PDZRN3: variants seen among roughly 807,000 people sequenced by gnomAD.
The protein encoded by PDZRN3 is E3 ubiquitin-protein ligase PDZRN3.
A neutral mutation model predicts 85.7 loss-of-function variants in PDZRN3; 38 were observed. The ratio of observed to expected loss-of-function variants is 0.44; its 90% confidence interval spans 0.34 to 0.58. PDZRN3 has a LOEUF of 0.58. Ranked by LOEUF, PDZRN3 falls within the 20% of genes least tolerant of loss-of-function variation. PDZRN3 has a pLI of 0.01. For synonymous variants in PDZRN3, 759 were observed against 638.0 expected (o/e 1.19, Z -2.86); for missense variants, 1,629 against 1,506.4 (o/e 1.08, Z -1.35).
intron 3 of PDZRN3, among the ~76,000 whole-genome samples, chr3:73,434,205 T>C (rs1702488272): frequency 6.6e-6 from 1 of 152,238 alleles, no homozygotes; most frequent in Admixed American, 6.5e-5. Context: ...CAGTTACAAA[T>C]AAACATGACT....
At chr3:73,565,110 T>A (rs539513227) in intron 3 of PDZRN3, among the ~76,000 whole-genome samples, 81 of 142,064 alleles carry the variant, frequency 5.7e-4, no homozygotes, top group African/African-American at 2.0e-3. Flanking sequence ...AAATACTATA[T>A]CCACCAATTT....
intron 3 of PDZRN3, among the ~76,000 whole-genome samples, chr3:73,420,287 C>T (rs1172360625): frequency 5.3e-5 from 8 of 152,194 alleles, no homozygotes; most frequent in African/African-American, 1.7e-4. Flanking sequence ...GCACTGGCCA[C>T]CCCAAGTGCT....
In PDZRN3 at chr3:73,618,146, A is replaced by G. The variant is rs948696759; in HGVS notation, c.723+5957T>C. On this transcript the variant is annotated intron_variant, in intron 1 of 9. Transcript: ENST00000263666. ...CAGGCAAACTAACATGAGCCAGTGG[A>G]GGACACTTGGCAAGTTATTTAACTT... Among the ~76,000 whole-genome samples, 9 of 152,346 alleles carry G rather than the reference A, an allele frequency of 5.9e-5. No homozygotes were observed. In the South Asian group the frequency reaches 1.9e-3, roughly 32 times the overall value.
At chr3:73,478,981 C>T (rs1255703714) in intron 3 of PDZRN3, among the ~76,000 whole-genome samples, 1 of 152,180 alleles carries the variant, frequency 6.6e-6, no homozygotes, top group Non-Finnish European at 1.5e-5. Flanking sequence ...TGTGTAATGG[C>T]AAAAGTCGCA....
intron 3 of PDZRN3, among the ~76,000 whole-genome samples, chr3:73,453,309 G>C (rs934758592): frequency 6.7e-6 from 1 of 149,892 alleles, no homozygotes; most frequent in Non-Finnish European, 1.5e-5. Context: ...GGGAGGCTGA[G>C]GCAGAAGAAT....
chr3:73,453,599 G>A (rs572213973), intron 3 of PDZRN3, among the ~76,000 whole-genome samples: 45 of 151,206 alleles, frequency 3.0e-4, no homozygotes, highest in Non-Finnish European at 6.2e-4. Context: ...CATGCTTTAA[G>A]TATATATACA....
At chr3:73,463,399 C>T (rs546059408) in intron 3 of PDZRN3, among the ~76,000 whole-genome samples, 31 of 152,336 alleles carry the variant, frequency 2.0e-4, no homozygotes, top group African/African-American at 7.2e-4. Context: ...CAGTCACATG[C>T]TACTACTTAT....
intron 3 of PDZRN3, among the ~76,000 whole-genome samples, chr3:73,520,626 G>A (rs1391316899): frequency 6.6e-6 from 1 of 152,202 alleles, no homozygotes. Flanking sequence ...AATTAGCAGA[G>A]GGGCGGGAAA....
chr3:73,495,210 C>T (rs1703845052), intron 3 of PDZRN3, among the ~76,000 whole-genome samples: 1 of 152,140 alleles, frequency 6.6e-6, no homozygotes, highest in Non-Finnish European at 1.5e-5. Flanking sequence ...TATTGAAAAG[C>T]TTCTTTCGAT....
intron 3 of PDZRN3, among the ~76,000 whole-genome samples, chr3:73,462,277 G>C (rs1197869111): frequency 6.6e-6 from 1 of 151,808 alleles, no homozygotes; most frequent in Admixed American, 6.5e-5. Context: ...AGGTCACATA[G>C]TTTGTGAACC....
chr3:73,470,051 T>G (rs1027819620), intron 3 of PDZRN3, among the ~76,000 whole-genome samples: 3 of 152,146 alleles, frequency 2.0e-5, no homozygotes, highest in Non-Finnish European at 2.9e-5. Context: ...CAGACATTAT[T>G]AAATGTTCCT....
At chr3:73,600,304 A>AACACACACACAC (rs35396413) in intron 3 of PDZRN3, among the ~76,000 whole-genome samples, 6 of 124,402 alleles carry the variant, frequency 4.8e-5, no homozygotes, top group African/African-American at 1.3e-4. Flanking sequence ...TTAGTAATGA[A>AACACACACACAC]ACACACACAC....
At chr3:73,474,165 C>T (rs1052312290) in intron 3 of PDZRN3, among the ~76,000 whole-genome samples, 1 of 152,126 alleles carries the variant, frequency 6.6e-6, no homozygotes, top group Non-Finnish European at 1.5e-5. Flanking sequence ...ATTAATTTTG[C>T]TCCCACTGCC....
chr3:73,534,985 G>T (rs1014003373), intron 3 of PDZRN3, among the ~76,000 whole-genome samples: 1 of 151,878 alleles, frequency 6.6e-6, no homozygotes, highest in Non-Finnish European at 1.5e-5. Flanking sequence ...CTGCCCTGGT[G>T]ATGTCAGACT....
At chr3:73,408,433 A>C (rs1455223328) in intron 3 of PDZRN3, among the ~76,000 whole-genome samples, 7 of 152,172 alleles carry the variant, frequency 4.6e-5, no homozygotes, top group Non-Finnish European at 1.0e-4. Flanking sequence ...TATAAATCAA[A>C]GAAGCAAAAC....
chr3:73,613,472 C>T (rs1702714284), intron 1 of PDZRN3, among the ~76,000 whole-genome samples: 1 of 152,080 alleles, frequency 6.6e-6, no homozygotes, highest in South Asian at 2.1e-4. Flanking sequence ...CAGAAACGAG[C>T]TGGGGAGTCT....
At chr3:73,478,938 G>GC (rs2106901229) in intron 3 of PDZRN3, among the ~76,000 whole-genome samples, 1 of 152,290 alleles carries the variant, frequency 6.6e-6, no homozygotes, top group Admixed American at 6.5e-5. Context: ...TCAGCATTTA[G>GC]CCTTTATTCT....
At chr3:73,476,953 T>G (rs899839250) in intron 3 of PDZRN3, among the ~76,000 whole-genome samples, 2 of 152,020 alleles carry the variant, frequency 1.3e-5, no homozygotes, top group African/African-American at 4.8e-5. Context: ...AGACAATCGG[T>G]TTTTTTTAAG....
chr3:73,604,391 C>T (rs1172508244), intron 2 of PDZRN3, among the ~76,000 whole-genome samples: 1 of 152,148 alleles, frequency 6.6e-6, no homozygotes, highest in African/African-American at 2.4e-5. Context: ...TTACCCATTC[C>T]ACAGGTGAAA....
Sources: allele counts gnomAD v4.1 joint callset (sites outside exome capture counted in the v4.1 genomes callset), GRCh38; gene constraint gnomAD v4.1.1; transcripts MANE v1.5; gene names NCBI Gene and HGNC (gene_info 2026-07-23, HGNC 2026-07-21).